The following TRDN variants were observed in gnomAD, a reference collection of about 807,000 sequenced individuals.
TRDN encodes the protein triadin, also known as triadin in skeletal muscle.
TRDN carries 161 observed loss-of-function variants against 149.7 expected under a neutral mutation model. The observed-to-expected ratio is 1.08, with a 90% confidence interval of 0.95 to 1.23. The LOEUF is 1.23. Among genes scored for constraint, TRDN ranks in the 50% most tolerant of loss-of-function variants. The pLI, the probability that TRDN is intolerant of heterozygous loss-of-function variation, is 0.00. For missense variants in TRDN, 896 were observed against 823.5 expected, an observed-to-expected ratio of 1.09 and a Z score of -1.08; for synonymous variants, 294 against 250.5, an observed-to-expected ratio of 1.17 and a Z score of -1.64.
intron 22 of TRDN, among the ~76,000 whole-genome samples, chr6:123,337,087 A>G (rs1024535153): frequency 5.9e-5 from 9 of 152,046 alleles, no homozygotes; most frequent in Non-Finnish European, 8.8e-5. Flanking sequence ...ATGCTTTTTC[A>G]TAGCAATATA....
rs1185669572 is a variant in TRDN, at chr6:123,636,767, C to T, written c.9G>A (p.Glu3=). The change falls in exon 1 of 41, where the codon GAG becomes GAA. Residue 3 remains glutamate, a synonymous_variant. Transcript: ENST00000334268. ...TGGTAGCAATACCTTCAGCAGTGATCTCAGTCATGGTGGTCGTCAAAAGTA... is the reference window on the plus strand; with the variant it reads ...TGGTAGCAATACCTTCAGCAGTGATTTCAGTCATGGTGGTCGTCAAAAGTA... MT[E]ITAEGNASTT... is the part of the protein sequence containing the mutation. The T allele has an allele frequency of 1.2e-6, 2 of 1,611,460 alleles. No homozygotes were observed. The highest frequency in any genetic ancestry group is 1.7e-6 in the Non-Finnish European group (2 of 1,178,408).
intron 24 of TRDN, among the ~76,000 whole-genome samples, chr6:123,279,441 T>G (rs1209798000): frequency 6.6e-6 from 1 of 152,106 alleles, no homozygotes; most frequent in East Asian, 1.9e-4. Flanking sequence ...TGTGGGCCAT[T>G]TTGTCAGCCT....
intron 10 of TRDN, among the ~76,000 whole-genome samples, chr6:123,458,259 C>T (rs571785720): frequency 6.6e-6 from 1 of 152,146 alleles, no homozygotes; most frequent in African/African-American, 2.4e-5. Context: ...TTTGTGATAG[C>T]TAATTTTATG....
At chr6:123,530,652 C>T (rs1256836699) in intron 4 of TRDN, 87 bp from the exon 5 acceptor site, 7 of 800,950 alleles carry the variant, frequency 8.7e-6, no homozygotes, top group Non-Finnish European at 1.2e-5. Context: ...TATAAACCTA[C>T]CACAAAGTTT....
At chr6:123,244,027 T>G (rs1236018126) in intron 38 of TRDN, among the ~76,000 whole-genome samples, 1 of 151,950 alleles carries the variant, frequency 6.6e-6, no homozygotes, top group Non-Finnish European at 1.5e-5. Context: ...GAAAGAAAAC[T>G]AACAGAAAGC....
chr6:123,584,203 T>C (rs571763872), intron 1 of TRDN, among the ~76,000 whole-genome samples: 3 of 152,182 alleles, frequency 2.0e-5, no homozygotes, highest in South Asian at 2.1e-4. Context: ...GGAACAATGG[T>C]AATTGTGGGA....
chr6:123,587,434 AAG>A (rs1249517375), intron 1 of TRDN, among the ~76,000 whole-genome samples: 1 of 152,238 alleles, frequency 6.6e-6, no homozygotes, highest in East Asian at 1.9e-4. Flanking sequence ...GAGGTTGGAG[AAG>A]AGAGTAAGAA....
chr6:123,400,382 G>A (rs1389498647), intron 12 of TRDN, among the ~76,000 whole-genome samples: 8 of 151,920 alleles, frequency 5.3e-5, no homozygotes, highest in Admixed American at 3.3e-4. Context: ...CAGGGACAGT[G>A]GGGGATGGGG....
intron 1 of TRDN, among the ~76,000 whole-genome samples, chr6:123,576,814 T>C (rs1046806180): frequency 6.6e-6 from 1 of 152,018 alleles, no homozygotes; most frequent in Non-Finnish European, 1.5e-5. Flanking sequence ...GAAAAAGAAA[T>C]TCACTTAATG....
intron 39 of TRDN, 119 bp downstream of exon 39, chr6:123,223,974 G>A: frequency 2.5e-6 from 2 of 793,380 alleles, no homozygotes. Flanking sequence ...CCATGTAAAT[G>A]TTGCCTAGAA....
chr6:123,372,777 CTTG>C (rs544329860), intron 19 of TRDN, among the ~76,000 whole-genome samples: 361 of 152,292 alleles, frequency 2.4e-3, no homozygotes, highest in Admixed American at 4.3e-3. Context: ...TACACATCTA[CTTG>C]TTGTGTCCTC....
intron 38 of TRDN, among the ~76,000 whole-genome samples, chr6:123,238,480 A>G (rs565674477): frequency 6.6e-6 from 1 of 152,300 alleles, no homozygotes; most frequent in Admixed American, 6.5e-5. Flanking sequence ...TGGAATAATA[A>G]AAACATATAA....
chr6:123,584,828 A>G (rs1479737517), intron 1 of TRDN, among the ~76,000 whole-genome samples: 3 of 152,118 alleles, frequency 2.0e-5, no homozygotes, highest in African/African-American at 4.8e-5. Context: ...AGGATAGGAG[A>G]GTATATGGAT....
In TRDN at chr6:123,362,113, C is replaced by T. The variant is rs373233074; in HGVS notation, c.1321+4022G>A. On this transcript the variant is annotated intron_variant, in intron 20 of 40. Transcript: ENST00000334268. ...TTCTTCTGGCAGCCAGTCTGAAGAACGCTATTGTCATTAAATTATTTTTCT... is the reference window on the plus strand; with the variant it reads ...TTCTTCTGGCAGCCAGTCTGAAGAATGCTATTGTCATTAAATTATTTTTCT... Among the ~76,000 whole-genome samples the T allele has an allele frequency of 6.0e-4, 91 of 152,174 alleles. No individual in the cohort carries two copies. The South Asian group carries it at 0.016, about 27-fold the overall frequency.
At chr6:123,243,715 A>G (rs1052201662) in intron 38 of TRDN, among the ~76,000 whole-genome samples, 1 of 152,196 alleles carries the variant, frequency 6.6e-6, no homozygotes, top group African/African-American at 2.4e-5. Context: ...AAAGAATCTC[A>G]GAACTTGAAA....
At chr6:123,425,905 C>T (rs1774101550) in intron 12 of TRDN, among the ~76,000 whole-genome samples, 1 of 151,898 alleles carries the variant, frequency 6.6e-6, no homozygotes, top group Non-Finnish European at 1.5e-5. Flanking sequence ...ATCTATCTAT[C>T]TATCATCTAT....
intron 38 of TRDN, among the ~76,000 whole-genome samples, chr6:123,231,600 G>A (rs1260336166): frequency 1.3e-5 from 2 of 151,914 alleles, no homozygotes; most frequent in African/African-American, 2.4e-5. Flanking sequence ...AGACTCCTGG[G>A]CTTAGAAATG....
At chr6:123,236,346 T>C (rs1396918059) in intron 38 of TRDN, among the ~76,000 whole-genome samples, 6 of 152,226 alleles carry the variant, frequency 3.9e-5, no homozygotes, top group African/African-American at 7.2e-5. Context: ...TTGTTTACTT[T>C]TTAAAATTAA....
At chr6:123,488,440 G>A (rs1178839980) in intron 9 of TRDN, among the ~76,000 whole-genome samples, 5 of 152,120 alleles carry the variant, frequency 3.3e-5, no homozygotes, top group African/African-American at 1.2e-4. Context: ...CCAGTCCAGT[G>A]AGCATTGACC....
Sources: gnomAD v4.1 joint callset for allele counts (sites outside exome capture counted in the v4.1 genomes callset) on GRCh38, gnomAD v4.1.1 for gene constraint, MANE v1.5 for transcripts, NCBI Gene and HGNC (gene_info 2026-07-23, HGNC 2026-07-21) for gene names.